DIP2C: variants seen among roughly 807,000 people sequenced by gnomAD.
The protein encoded by DIP2C is DIP2 acetate--CoA ligase C (putative).
A neutral mutation model predicts 192.4 loss-of-function variants in DIP2C; 33 were observed. The observed-to-expected ratio is 0.17, with a 90% CI of 0.13 to 0.23. DIP2C has a LOEUF of 0.23. Among genes scored for constraint, DIP2C ranks in the 10% least tolerant of loss-of-function variants. DIP2C has a pLI of 1.00. For synonymous variants in DIP2C, 979 were observed against 864.1 expected (o/e 1.13, Z -2.33); for missense variants, 1,537 against 2,110.1 (o/e 0.73, Z 5.32).
Position 382,841 on chromosome 10 carries a change from G to A in DIP2C, c.1877-80C>T, listed in dbSNP as rs75275792. The stretch of plus-strand genomic sequence containing the variant: ...AAATCCCACCATAGAAAATAGTTCC[G>A]AAGGTGGGATTCAGGCACAAGTGGA... On this transcript the variant is annotated intron_variant, in intron 16 of 36. Transcript: ENST00000280886. The A allele has an allele frequency of 3.7e-3, 3,839 of 1,033,142 alleles. 31 individuals are homozygous for A. Among genetic ancestry groups the A allele is most frequent in the Middle Eastern group, 0.017 (80 of 4,788 alleles). 64.0% of individuals were successfully genotyped at this position (1,033,142 alleles called of 1,614,324 possible).
chr10:495,290 C>T (rs997308156), intron 1 of DIP2C, among the ~76,000 whole-genome samples: 3 of 152,020 alleles, frequency 2.0e-5, no homozygotes, highest in Non-Finnish European at 2.9e-5. Flanking sequence ...TTCTGGAGAT[C>T]GAATGTACAG....
Position 351,877 on chromosome 10 carries a change from G to A in DIP2C, c.2986-2423C>T, listed in dbSNP as rs558370853. Among the ~76,000 whole-genome samples the A allele has an allele frequency of 2.6e-5, 4 of 152,282 alleles. No homozygotes were observed. In the East Asian group the frequency reaches 5.8e-4, roughly 22 times the overall value. On this transcript the variant is annotated intron_variant, in intron 24 of 36. Coordinates refer to ENST00000280886, the MANE Select transcript of DIP2C (RefSeq NM_014974.3). The stretch of plus-strand genomic sequence containing the variant: ...AACATGGGACAGAGACACCCAGCAC[G>A]GCCAGGCTGGGTGCTGATGGGACCC...
intron 1 of DIP2C, among the ~76,000 whole-genome samples, chr10:544,209 T>C (rs533634764): frequency 6.6e-6 from 1 of 152,194 alleles, no homozygotes; most frequent in African/African-American, 2.4e-5. Flanking sequence ...TGCACAGTGC[T>C]TGACCTTTGG....
intron 22 of DIP2C, among the ~76,000 whole-genome samples, chr10:359,139 G>A (rs541107857): frequency 3.3e-5 from 5 of 152,168 alleles, no homozygotes; most frequent in South Asian, 2.1e-4. Context: ...ACAAGGCTTC[G>A]GATGAGCCCA....
intron 3 of DIP2C, among the ~76,000 whole-genome samples, chr10:446,255 C>T (rs1305560482): frequency 6.8e-6 from 1 of 147,856 alleles, no homozygotes; most frequent in East Asian, 2.1e-4. Context: ...TCTGTATACA[C>T]CTGTCATGAA....
At chr10:538,686 T>A (rs2130891088) in intron 1 of DIP2C, among the ~76,000 whole-genome samples, 1 of 152,334 alleles carries the variant, frequency 6.6e-6, no homozygotes, top group East Asian at 1.9e-4. Context: ...CAAATAAGTC[T>A]AAGAACCTCA....
chr10:570,476 C>T (rs1476233528), intron 1 of DIP2C, among the ~76,000 whole-genome samples: 2 of 152,116 alleles, frequency 1.3e-5, no homozygotes, highest in East Asian at 3.9e-4. Flanking sequence ...AAGACATGAC[C>T]CACATCTCTC....
chr10:570,362 A>G lies in DIP2C; in HGVS notation c.86-83832T>C, dbSNP rs558646605. Among the ~76,000 whole-genome samples, 298 of 152,276 alleles carry G rather than the reference A, an allele frequency of 2.0e-3. 1 individual carries two copies. The highest frequency in any genetic ancestry group is 0.01 in the Middle Eastern group (3 of 294). On this transcript the variant is annotated intron_variant, in intron 1 of 36. Coordinates refer to ENST00000280886, the MANE Select transcript of DIP2C (RefSeq NM_014974.3). ...CTGCTGACACAGGAGCAAGCCCCAC[A>G]AAGGCCTGGGCATGACCCCCAACCC...
intron 1 of DIP2C, among the ~76,000 whole-genome samples, chr10:576,410 G>A (rs368533597): frequency 5.3e-5 from 8 of 152,214 alleles, no homozygotes; most frequent in African/African-American, 1.4e-4. Flanking sequence ...TCTCAGCCAT[G>A]GGACAGCAGT....
intron 1 of DIP2C, among the ~76,000 whole-genome samples, chr10:537,939 G>A (rs184876097): frequency 1.2e-4 from 18 of 151,988 alleles, no homozygotes; most frequent in African/African-American, 2.4e-4. Context: ...ACAGGCACGC[G>A]CCACCATGCC....
chr10:393,012 C>T (rs1963621451), intron 10 of DIP2C, among the ~76,000 whole-genome samples: 2 of 152,202 alleles, frequency 1.3e-5, no homozygotes, highest in African/African-American at 2.4e-5. Context: ...CTGCCGGTGA[C>T]CCAAGGACGG....
intron 17 of DIP2C, among the ~76,000 whole-genome samples, chr10:372,305 CCT>C (rs1961063418): frequency 1.3e-5 from 2 of 152,192 alleles, no homozygotes; most frequent in Admixed American, 1.3e-4. Context: ...GAACTCCTGA[CCT>C]CGAGTGATCT....
chr10:685,161 AATATAT>A (rs1222919501), intron 1 of DIP2C, among the ~76,000 whole-genome samples: 18 of 31,790 alleles, frequency 5.7e-4, no homozygotes, highest in African/African-American at 1.9e-3. Context: ...AAAAAAAAAA[AATATAT>A]ATATATATAT....
intron 4 of DIP2C, among the ~76,000 whole-genome samples, chr10:439,207 T>C (rs1967519071): frequency 6.6e-6 from 1 of 152,100 alleles, no homozygotes; most frequent in Non-Finnish European, 1.5e-5. Context: ...AGGGAGCACG[T>C]TGGCAGAAAG....
At chr10:337,569 A>AG (rs1204139774) in intron 29 of DIP2C, among the ~76,000 whole-genome samples, 1 of 115,352 alleles carries the variant, frequency 8.7e-6, no homozygotes, top group East Asian at 2.8e-4. Flanking sequence ...TGTGCTGTGG[A>AG]GGCCTAGGCT....
chr10:580,120 CTA>C (rs1309267314), intron 1 of DIP2C, among the ~76,000 whole-genome samples: 2 of 152,114 alleles, frequency 1.3e-5, no homozygotes, highest in Non-Finnish European at 2.9e-5. Flanking sequence ...GGTATAACAT[CTA>C]TATACATGCA....
chr10:483,275 G>GCA (rs908669287), intron 2 of DIP2C, among the ~76,000 whole-genome samples: 1 of 152,242 alleles, frequency 6.6e-6, no homozygotes, highest in African/African-American at 2.4e-5. Flanking sequence ...AGGCAAGTGC[G>GCA]CAGCAGCACA....
chr10:304,334 T>C (rs1956204497), intron 32 of DIP2C, among the ~76,000 whole-genome samples: 1 of 152,174 alleles, frequency 6.6e-6, no homozygotes, highest in Non-Finnish European at 1.5e-5. Context: ...CACTCTCATT[T>C]AGGGGACACT....
intron 1 of DIP2C, chr10:662,883 C>A (rs1262932844): frequency 2.8e-6 from 2 of 717,572 alleles, no homozygotes; most frequent in Middle Eastern, 2.3e-4. Context: ...AGCAGCCTAG[C>A]CCCACGTGGA....
Sources: allele counts gnomAD v4.1 joint callset (sites outside exome capture counted in the v4.1 genomes callset), GRCh38; gene constraint gnomAD v4.1.1; transcripts MANE v1.5; gene names NCBI Gene and HGNC (gene_info 2026-07-23, HGNC 2026-07-21).